ZNF804B: variants seen among roughly 807,000 people sequenced by gnomAD.
ZNF804B encodes zinc finger protein 804B.
A neutral mutation model predicts 101.4 loss-of-function variants in ZNF804B; 80 were observed. The ratio of observed to expected loss-of-function variants is 0.79; its 90% CI spans 0.66 to 0.95. The LOEUF is 0.95. Ranked by LOEUF, ZNF804B falls within the 40% of genes least tolerant of loss-of-function variation. ZNF804B has a pLI of 0.00. For missense variants in ZNF804B, 1,673 were observed against 1,561.9 expected, an observed-to-expected ratio of 1.07 and a Z score of -1.20; for synonymous variants, 622 against 558.8, an observed-to-expected ratio of 1.11 and a Z score of -1.59.
chr7:89,227,384 C>G (rs117911258), intron 2 of ZNF804B, among the ~76,000 whole-genome samples: 172 of 152,274 alleles, frequency 1.1e-3, no homozygotes, highest in Non-Finnish European at 2.3e-3. Flanking sequence ...AAAAATTGGT[C>G]TAGTGCCTTC....
intron 1 of ZNF804B, among the ~76,000 whole-genome samples, chr7:88,761,752 A>G (rs1375634683): frequency 6.6e-6 from 1 of 152,214 alleles, no homozygotes; most frequent in African/African-American, 2.4e-5. Flanking sequence ...ACTTCTCAGT[A>G]TAAAGGGAGA....
chr7:89,224,613 T>A (rs1290148122), intron 2 of ZNF804B, among the ~76,000 whole-genome samples: 1 of 151,684 alleles, frequency 6.6e-6, no homozygotes, highest in Non-Finnish European at 1.5e-5. Flanking sequence ...ATTGAAGAAA[T>A]AAAGACTGGA....
chr7:88,763,540 C>T (rs1789930149), intron 1 of ZNF804B, among the ~76,000 whole-genome samples: 1 of 149,700 alleles, frequency 6.7e-6, no homozygotes, highest in African/African-American at 2.5e-5. Context: ...ACTTTAAATC[C>T]AGGGACATAT....
intron 1 of ZNF804B, among the ~76,000 whole-genome samples, chr7:89,140,303 G>A (rs1035416641): frequency 2.6e-5 from 4 of 152,074 alleles, no homozygotes; most frequent in Non-Finnish European, 5.9e-5. Context: ...TAGCATTTTC[G>A]GAATGGTAAA....
intron 1 of ZNF804B, among the ~76,000 whole-genome samples, chr7:89,040,027 G>C (rs1329838092): frequency 6.6e-6 from 1 of 151,930 alleles, no homozygotes; most frequent in Non-Finnish European, 1.5e-5. Flanking sequence ...TTCCTCTCCA[G>C]ATCTGGAGAT....
At chr7:89,308,678 A>T (rs1482785552) in intron 2 of ZNF804B, among the ~76,000 whole-genome samples, 1 of 152,202 alleles carries the variant, frequency 6.6e-6, no homozygotes, top group Non-Finnish European at 1.5e-5. Context: ...CCTCATCCTG[A>T]ACTAACAAGA....
intron 1 of ZNF804B, among the ~76,000 whole-genome samples, chr7:88,956,268 A>G (rs796640066): frequency 2.1e-4 from 32 of 151,668 alleles, no homozygotes; most frequent in African/African-American, 7.7e-4. Context: ...CAGTGTATCA[A>G]AGGGATGCAT....
chr7:89,082,025 TC>T (rs1190024747), intron 1 of ZNF804B, among the ~76,000 whole-genome samples: 2 of 151,868 alleles, frequency 1.3e-5, no homozygotes, highest in East Asian at 1.9e-4. Flanking sequence ...GAAGTAAATG[TC>T]AGTTTATTTT....
At chr7:89,269,824 G>A (rs1263925997) in intron 2 of ZNF804B, among the ~76,000 whole-genome samples, 2 of 152,178 alleles carry the variant, frequency 1.3e-5, no homozygotes, top group South Asian at 2.1e-4. Flanking sequence ...GTGATGATGA[G>A]TAAGTTTTCA....
chr7:89,266,665 C>T (rs998783509), intron 2 of ZNF804B, among the ~76,000 whole-genome samples: 2 of 152,108 alleles, frequency 1.3e-5, no homozygotes, highest in African/African-American at 4.8e-5. Context: ...CTCTATTTCC[C>T]TCTGTGAAAT....
chr7:88,839,988 G>A (rs977422228), intron 1 of ZNF804B, among the ~76,000 whole-genome samples: 7 of 152,152 alleles, frequency 4.6e-5, no homozygotes, highest in African/African-American at 9.7e-5. Context: ...TTGCAAAGAA[G>A]CTGTTCTCCA....
chr7:89,006,033 G>GTT (rs1283986620), intron 1 of ZNF804B, among the ~76,000 whole-genome samples: 1 of 152,052 alleles, frequency 6.6e-6, no homozygotes, highest in Non-Finnish European at 1.5e-5. Flanking sequence ...AAAAATAATG[G>GTT]TTTTTGTAAT....
At chr7:89,329,580 C>CA (rs1479264026) in intron 3 of ZNF804B, among the ~76,000 whole-genome samples, 2 of 151,274 alleles carry the variant, frequency 1.3e-5, no homozygotes, top group South Asian at 2.1e-4. Flanking sequence ...AAAATGATGG[C>CA]AAAAAAATGG....
At chr7:89,147,884 C>T (rs905703733) in intron 1 of ZNF804B, among the ~76,000 whole-genome samples, 2 of 151,518 alleles carry the variant, frequency 1.3e-5, no homozygotes, top group Admixed American at 6.6e-5. Context: ...CTCAGGGCTC[C>T]CACCAATTCT....
At chr7:88,814,402 G>C (rs1790840805) in intron 1 of ZNF804B, among the ~76,000 whole-genome samples, 1 of 150,164 alleles carries the variant, frequency 6.7e-6, no homozygotes, top group Admixed American at 6.7e-5. Context: ...AATCTTTCTA[G>C]TCATAGAACC....
At chr7:88,783,440 A>G (rs1455032007) in intron 1 of ZNF804B, among the ~76,000 whole-genome samples, 1 of 152,142 alleles carries the variant, frequency 6.6e-6, no homozygotes, top group Non-Finnish European at 1.5e-5. Flanking sequence ...TCACTGAGAC[A>G]CTGGGCTGGA....
intron 1 of ZNF804B, among the ~76,000 whole-genome samples, chr7:89,001,785 C>T (rs909996197): frequency 6.6e-6 from 1 of 151,712 alleles, no homozygotes; most frequent in Admixed American, 6.6e-5. Flanking sequence ...ATTGAAATGC[C>T]TGTCATGTAC....
chr7:89,213,778 C>A (rs978282960), intron 1 of ZNF804B, among the ~76,000 whole-genome samples: 5 of 151,364 alleles, frequency 3.3e-5, no homozygotes. Flanking sequence ...GAATGAATTT[C>A]TAAACATGTT....
At chr7:88,898,108 A>C (rs1207269629) in intron 1 of ZNF804B, among the ~76,000 whole-genome samples, 1 of 82,440 alleles carries the variant, frequency 1.2e-5, no homozygotes, top group South Asian at 4.4e-4. Context: ...TTTTTTTGAG[A>C]TAGAGTCTCA....
Sources: allele counts gnomAD v4.1 joint callset (sites outside exome capture counted in the v4.1 genomes callset), GRCh38; gene constraint gnomAD v4.1.1; transcripts MANE v1.5; gene names NCBI Gene and HGNC (gene_info 2026-07-23, HGNC 2026-07-21).